VWA5B1: variants seen among roughly 807,000 people sequenced by gnomAD.
VWA5B1 encodes the protein von Willebrand factor A domain-containing protein 5B1.
VWA5B1 carries 115 observed loss-of-function variants against 118.2 expected under a neutral mutation model. The observed-to-expected ratio is 0.97, with a 90% CI of 0.84 to 1.14. The LOEUF (loss-of-function observed/expected upper bound fraction) is 1.14, where lower values mean the gene tolerates loss of function less well. Among genes scored for constraint, VWA5B1 ranks in the 50% most tolerant of loss-of-function variants. VWA5B1 has a pLI of 0.00. For missense variants in VWA5B1, 1,596 were observed against 1,603.8 expected (o/e 1.00, Z 0.08); for synonymous variants, 682 against 658.4 (o/e 1.04, Z -0.55).
intron 16 of VWA5B1, 75 bp downstream of exon 16, chr1:20,343,468 TC>T (rs1425613236): frequency 9.2e-6 from 13 of 1,418,090 alleles, no homozygotes; most frequent in African/African-American, 1.6e-5. Flanking sequence ...CGCTCCCCCT[TC>T]CCCACCCGCC....
intron 1 of VWA5B1, 99 bp from the exon 2 acceptor site, chr1:20,310,477 T>C: frequency 8.4e-7 from 1 of 1,186,728 alleles, no homozygotes; most frequent in Non-Finnish European, 1.1e-6. Context: ...ATGAAAACAA[T>C]GATGCTCTGA....
At chr1:20,315,426 T>C (rs2088976197) in intron 4 of VWA5B1, among the ~76,000 whole-genome samples, 1 of 152,134 alleles carries the variant, frequency 6.6e-6, no homozygotes, top group Non-Finnish European at 1.5e-5. Flanking sequence ...AGTTTCTCTG[T>C]CCTCCCCTGG....
chr1:20,332,648 C>A, intron 11 of VWA5B1, 118 bp from the exon 12 acceptor site: 1 of 1,106,716 alleles, frequency 9.0e-7, no homozygotes, highest in Non-Finnish European at 1.3e-6. Flanking sequence ...CAAGTCACCA[C>A]AAGGCCTACT....
intron 2 of VWA5B1, 139 bp downstream of exon 2, chr1:20,310,879 G>A: frequency 7.9e-7 from 1 of 1,270,602 alleles, no homozygotes; most frequent in African/African-American, 1.5e-5. Context: ...AAAATGGTGA[G>A]ATTCTTTCTG....
At chr1:20,328,145 C>A in intron 9 of VWA5B1, 145 bp downstream of exon 9, 1 of 721,416 alleles carries the variant, frequency 1.4e-6, no homozygotes, top group Admixed American at 2.6e-5. Flanking sequence ...CACCCGGGGG[C>A]AGAGAACTGA....
chr1:20,302,520 C>T (rs184116651), intron 1 of VWA5B1, among the ~76,000 whole-genome samples: 213 of 152,280 alleles, frequency 1.4e-3, no homozygotes, highest in African/African-American at 4.9e-3. Flanking sequence ...GCTAACTGCT[C>T]CTGGTTGGGG....
At chr1:20,337,280 A>T (rs541200007) in intron 13 of VWA5B1, among the ~76,000 whole-genome samples, 1 of 151,948 alleles carries the variant, frequency 6.6e-6, no homozygotes, top group African/African-American at 2.4e-5. Flanking sequence ...GGCGCATACC[A>T]CCATGCCTGG....
At chr1:20,323,266 G>A in intron 7 of VWA5B1, 90 bp from the exon 8 acceptor site, 1 of 1,238,222 alleles carries the variant, frequency 8.1e-7, no homozygotes, top group Non-Finnish European at 1.0e-6. Context: ...GCAGGATGTG[G>A]GTGCACGGTG....
intron 14 of VWA5B1, among the ~76,000 whole-genome samples, chr1:20,339,402 TGTG>T (rs1048833563): frequency 6.6e-6 from 1 of 151,814 alleles, no homozygotes; most frequent in Admixed American, 6.6e-5. Flanking sequence ...ATTAGCCGGG[TGTG>T]GTGGCACATG....
chr1:20,315,440 A>G (rs536678729), intron 4 of VWA5B1, among the ~76,000 whole-genome samples: 6 of 152,342 alleles, frequency 3.9e-5, no homozygotes, highest in Non-Finnish European at 8.8e-5. Context: ...CCCCTGGTGT[A>G]CAGGAGGGAA....
chr1:20,337,970 C>G (rs755988381), intron 14 of VWA5B1, 134 bp downstream of exon 14: 1 of 1,163,510 alleles, frequency 8.6e-7, no homozygotes, highest in Non-Finnish European at 1.3e-6. Context: ...TCTTTCCTTC[C>G]CTAGGCCTTC....
rs924467444 is a variant in VWA5B1 at position 20,357,860 on chromosome 1, C to T, written c.*3597C>T. On this transcript the variant is annotated 3_prime_UTR_variant, in exon 22 of 22. Coordinates refer to ENST00000289815, the MANE Select transcript of VWA5B1 (RefSeq NM_001039500.3). ...TTTATGGTATGGGTACAGATGACCA[C>T]AATAGCTCATGGTATTGCACAGCCA... Among the ~76,000 whole-genome samples, 3 of 152,172 alleles carry T rather than the reference C, an allele frequency of 2.0e-5. No individual in the cohort carries two copies. The highest frequency in any genetic ancestry group is 2.9e-5 in the Non-Finnish European group (2 of 68,024).
At chr1:20,350,965 C>G (rs1269593209) in intron 20 of VWA5B1, 39 bp downstream of exon 20, 1 of 1,543,220 alleles carries the variant, frequency 6.5e-7, no homozygotes, top group Non-Finnish European at 8.8e-7. Context: ...TCTCCTGCCA[C>G]CCATTTTCCT....
chr1:20,298,744 G>C (rs574605543), intron 1 of VWA5B1, among the ~76,000 whole-genome samples: 1 of 152,104 alleles, frequency 6.6e-6, no homozygotes, highest in Non-Finnish European at 1.5e-5. Flanking sequence ...TGCCCAGGCT[G>C]GCTGACGAGG....
rs756900492 is a variant in VWA5B1, at chr1:20,350,879, A to G, written c.2976A>G (p.Thr992=). The G allele has an allele frequency of 4.5e-6, 7 of 1,551,792 alleles. No homozygotes were observed. The African/African-American group carries it at 8.2e-5, about 18-fold the overall frequency. Residue 992 remains threonine, a synonymous_variant, in exon 20 of 22, where the codon ACA becomes ACG. Coordinates refer to ENST00000289815, the MANE Select transcript of VWA5B1 (RefSeq NM_001039500.3). ...CAGGTCCCCAGCGCAGCCTGGCTAC[A>G]AATACTCTTTCTTCCATGAAGGCCT... The part of the protein sequence containing the change: ...ASEGPQRSLA[T]NTLSSMKASE...
chr1:20,317,504 C>A (rs548725489), intron 4 of VWA5B1, 26 bp from the exon 5 acceptor site: 1 of 1,549,468 alleles, frequency 6.5e-7, no homozygotes, highest in South Asian at 1.2e-5. Context: ...GGCTGGTCTC[C>A]TTTCCTTCCC....
intron 7 of VWA5B1, among the ~76,000 whole-genome samples, chr1:20,322,602 G>A (rs914988336): frequency 2.6e-5 from 4 of 152,172 alleles, no homozygotes; most frequent in African/African-American, 9.7e-5. Context: ...ACAAGTTGAC[G>A]GGAGGCAGAG....
At chr1:20,301,140 CCTGGGATGG>C in intron 1 of VWA5B1, among the ~76,000 whole-genome samples, 1 of 152,290 alleles carries the variant, frequency 6.6e-6, no homozygotes, top group Admixed American at 6.5e-5. Context: ...GGCAGGGGGC[CCTGGGATGG>C]CTGGGTGGCA....
At position 20,343,369 on chromosome 1, in the gene VWA5B1, G is replaced by A. The variant is rs2089929611; in HGVS notation, c.2602G>A (p.Glu868Lys). 2.0e-6 allele frequency: 3 copies of A among 1,535,894 alleles called. No homozygotes were observed. In the African/African-American group the frequency reaches 4.1e-5, roughly 21 times the overall value. ...CATCCGCGACTTCGAGCAGCTGGCG[G>A]AGCGCGAGGGCGAGATCGAGCAGGG... ...AIIRDFEQLA[E>K]REGEIEQGSN... Residue 868 changes from glutamate to lysine, a missense_variant, in exon 16 of 22, where the codon GAG becomes AAG. Physicochemically the swap from Glu to Lys is moderately conservative, Grantham distance 56. Coordinates refer to ENST00000289815, the MANE Select transcript of VWA5B1 (RefSeq NM_001039500.3).
Sources: allele counts gnomAD v4.1 joint callset (sites outside exome capture counted in the v4.1 genomes callset), GRCh38; gene constraint gnomAD v4.1.1; transcripts MANE v1.5; gene names NCBI Gene and HGNC (gene_info 2026-07-23, HGNC 2026-07-21).